The following ULK4 variants were observed in gnomAD, a reference collection of about 807,000 sequenced individuals.
The protein encoded by ULK4 is inactive serine/threonine-protein kinase ULK4.
ULK4 carries 133 observed loss-of-function variants against 160.6 expected under a neutral mutation model. The ratio of observed to expected loss-of-function variants is 0.83; its 90% CI spans 0.72 to 0.96. The LOEUF (loss-of-function observed/expected upper bound fraction) is 0.96, where lower values mean the gene tolerates loss of function less well. Among genes scored for constraint, ULK4 ranks in the 40% least tolerant of loss-of-function variants. The pLI is 0.00. For synonymous variants in ULK4, 534 were observed against 539.8 expected (o/e 0.99, Z 0.15); for missense variants, 1,580 against 1,499.5 (o/e 1.05, Z -0.89).
chr3:41,722,385 T>C (rs2037502300), intron 22 of ULK4, among the ~76,000 whole-genome samples: 1 of 152,066 alleles, frequency 6.6e-6, no homozygotes, highest in African/African-American at 2.4e-5. Context: ...TCCCAGCACT[T>C]TGGGAGGCCA....
intron 1 of ULK4, among the ~76,000 whole-genome samples, chr3:41,957,752 G>A (rs1311742199): frequency 6.6e-6 from 1 of 151,930 alleles, no homozygotes; most frequent in Middle Eastern, 3.2e-3. Context: ...AAGCACATTG[G>A]GCTGAACTCA....
intron 21 of ULK4, among the ~76,000 whole-genome samples, chr3:41,776,003 C>A (rs1227376348): frequency 6.6e-6 from 1 of 150,776 alleles, no homozygotes; most frequent in Non-Finnish European, 1.5e-5. Flanking sequence ...TTTCTTTGTA[C>A]ACATGTATTT....
chr3:41,470,183 A>T (rs1194442786), intron 32 of ULK4, among the ~76,000 whole-genome samples: 1 of 152,150 alleles, frequency 6.6e-6, no homozygotes, highest in Non-Finnish European at 1.5e-5. Flanking sequence ...ACATAATCAA[A>T]TTATGAAAAA....
chr3:41,450,610 A>C (rs1401530966), intron 34 of ULK4, among the ~76,000 whole-genome samples: 1 of 152,230 alleles, frequency 6.6e-6, no homozygotes, highest in Non-Finnish European at 1.5e-5. Context: ...AAATTATCCA[A>C]GTCAGATGAA....
chr3:41,710,318 G>T (rs1201043155), intron 25 of ULK4, among the ~76,000 whole-genome samples: 3 of 152,068 alleles, frequency 2.0e-5, no homozygotes, highest in Non-Finnish European at 2.9e-5. Flanking sequence ...AATGAGGTGA[G>T]AGTGAGGACG....
At chr3:41,841,012 C>T (rs2041904622) in intron 17 of ULK4, among the ~76,000 whole-genome samples, 2 of 149,360 alleles carry the variant, frequency 1.3e-5, no homozygotes, top group African/African-American at 5.0e-5. Flanking sequence ...TGAGGAGCGC[C>T]TCTGCCCGGC....
chr3:41,250,255 C>A (rs1444095430), intron 35 of ULK4, among the ~76,000 whole-genome samples: 1 of 152,162 alleles, frequency 6.6e-6, no homozygotes, highest in African/African-American at 2.4e-5. Context: ...GAGTCCATGT[C>A]CTGAAAGGCA....
intron 6 of ULK4, among the ~76,000 whole-genome samples, chr3:41,918,979 G>A (rs1225159392): frequency 6.6e-6 from 1 of 152,058 alleles, no homozygotes; most frequent in African/African-American, 2.4e-5. Flanking sequence ...TATAGCAATA[G>A]CTATTTAATG....
chr3:41,670,664 G>A (rs1361897839), intron 29 of ULK4, among the ~76,000 whole-genome samples: 1 of 151,616 alleles, frequency 6.6e-6, no homozygotes, highest in Non-Finnish European at 1.5e-5. Flanking sequence ...AGAAATGTAG[G>A]TACTTCAAAA....
intron 35 of ULK4, among the ~76,000 whole-genome samples, chr3:41,281,668 T>C (rs1410364775): frequency 6.6e-6 from 1 of 152,198 alleles, no homozygotes; most frequent in Non-Finnish European, 1.5e-5. Context: ...ATAAGAGCTA[T>C]CTATGACAAA....
intron 25 of ULK4, among the ~76,000 whole-genome samples, chr3:41,706,879 GTGTGTGTGTGTA>G (rs1458195114): frequency 7.7e-6 from 1 of 129,886 alleles, no homozygotes; most frequent in South Asian, 2.2e-4. Flanking sequence ...GTGTGTGTGT[GTGTGTGTGTGTA>G]TATATATATA....
chr3:41,833,988 G>A (rs957950132), intron 18 of ULK4, among the ~76,000 whole-genome samples: 1 of 151,772 alleles, frequency 6.6e-6, no homozygotes, highest in African/African-American at 2.4e-5. Context: ...ATCTACATTT[G>A]TATTTGCTCA....
At chr3:41,561,472 C>G (rs2125594486) in intron 32 of ULK4, among the ~76,000 whole-genome samples, 1 of 152,274 alleles carries the variant, frequency 6.6e-6, no homozygotes, top group African/African-American at 2.4e-5. Flanking sequence ...TGGTAGAATT[C>G]AGCTGTGAAT....
intron 32 of ULK4, among the ~76,000 whole-genome samples, chr3:41,515,572 A>G (rs2085722707): frequency 6.6e-6 from 1 of 152,190 alleles, no homozygotes; most frequent in Admixed American, 6.5e-5. Flanking sequence ...GGAGGCCTCA[A>G]AAAACTTCCA....
intron 35 of ULK4, among the ~76,000 whole-genome samples, chr3:41,389,295 T>C (rs2081897080): frequency 6.6e-6 from 1 of 152,196 alleles, no homozygotes; most frequent in South Asian, 2.1e-4. Flanking sequence ...GTTTTCTAGA[T>C]ATACAATCAT....
At chr3:41,853,198 C>T (rs1409849012) in intron 17 of ULK4, among the ~76,000 whole-genome samples, 1 of 152,134 alleles carries the variant, frequency 6.6e-6, no homozygotes, top group Non-Finnish European at 1.5e-5. Context: ...TTTAGTAGAT[C>T]TGGGGTAAGG....
intron 18 of ULK4, among the ~76,000 whole-genome samples, chr3:41,824,328 G>A (rs1266185973): frequency 6.6e-6 from 1 of 152,064 alleles, no homozygotes; most frequent in East Asian, 1.9e-4. Flanking sequence ...GCAGGACAGT[G>A]GGTGCAGCAC....
chr3:41,954,804 G>C lies in ULK4; in HGVS notation c.-45C>G. On this transcript the variant is annotated 5_prime_UTR_variant, in exon 2 of 37. Transcript: ENST00000301831. ...ATACAATAGAATAACAGCATCTCTAGCTCCTAAGAAGTAAACAAAAATGAC... is the reference window on the plus strand; with the variant it reads ...ATACAATAGAATAACAGCATCTCTACCTCCTAAGAAGTAAACAAAAATGAC... 6.4e-7 allele frequency: 1 copy of C among 1,561,170 alleles called. No homozygotes were observed. The highest frequency in any genetic ancestry group is 8.7e-7 in the Non-Finnish European group (1 of 1,154,292).
intron 3 of ULK4, 163 bp downstream of exon 3, chr3:41,937,935 T>C (rs1699831680): frequency 2.3e-6 from 1 of 439,232 alleles, no homozygotes; most frequent in East Asian, 3.5e-5. Flanking sequence ...ATTTACATAA[T>C]TCTTCTTTTT....
Sources: allele counts gnomAD v4.1 joint callset (sites outside exome capture counted in the v4.1 genomes callset), GRCh38; gene constraint gnomAD v4.1.1; transcripts MANE v1.5; gene names NCBI Gene and HGNC (gene_info 2026-07-23, HGNC 2026-07-21).